The following PHF24 variants were observed in gnomAD, a reference collection of about 807,000 sequenced individuals.
PHF24 encodes PHD finger protein 24, also known as Galpha inhibitory interacting protein.
A neutral mutation model predicts 42.6 loss-of-function variants in PHF24; 25 were observed. The ratio of observed to expected loss-of-function variants is 0.59; its 90% CI spans 0.43 to 0.82. PHF24 has a LOEUF of 0.82. PHF24 is among the 40% of genes least tolerant of loss of function. The pLI, the probability that PHF24 is intolerant of heterozygous loss-of-function variation, is 0.00. For missense variants in PHF24, 470 were observed against 538.1 expected (o/e 0.87, Z 1.25); for synonymous variants, 185 against 204.8 (o/e 0.90, Z 0.83).
At chr9:34,886,248 C>T in the PHF24 span, among the ~76,000 whole-genome samples, 161 of 71,690 alleles carry the variant, frequency 2.2e-3, no homozygotes, top group Admixed American at 9.2e-3. Flanking sequence ...GACTAAATCT[C>T]CTGTCTTAAA....
chr9:34,675,215 G>T, the PHF24 span, among the ~76,000 whole-genome samples: 2 of 152,140 alleles, frequency 1.3e-5, no homozygotes, highest in Admixed American at 1.3e-4. Flanking sequence ...ATCCGCAAGG[G>T]CCTGCAGGGG....
exon 7 of PHF24, chr9:34,977,582 A>G (rs1827244087): frequency 6.2e-7 from 1 of 1,610,016 alleles, no homozygotes; most frequent in Non-Finnish European, 8.5e-7. Context: ...ATAGCAGCCC[A>G]GCCAGCAGCA....
chr9:34,763,427 A>G, the PHF24 span, among the ~76,000 whole-genome samples: 3 of 152,112 alleles, frequency 2.0e-5, no homozygotes, highest in South Asian at 6.2e-4. Context: ...CTTGTAAGTT[A>G]GATTCCTAGG....
At chr9:34,726,714 T>C in the PHF24 span, 1 of 1,551,606 alleles carries the variant, frequency 6.4e-7, no homozygotes, top group Non-Finnish European at 8.7e-7. Flanking sequence ...TTCTGATCTG[T>C]TAATTGTGAC....
At chr9:34,683,065 CTT>C in the PHF24 span, among the ~76,000 whole-genome samples, 247 of 144,414 alleles carry the variant, frequency 1.7e-3, no homozygotes, top group Middle Eastern at 3.5e-3. Flanking sequence ...TTCTTTCTCT[CTT>C]TTTTTTTTTT....
the PHF24 span, among the ~76,000 whole-genome samples, chr9:34,677,474 G>GT: frequency 7.3e-6 from 1 of 137,580 alleles, no homozygotes; most frequent in East Asian, 2.2e-4. Flanking sequence ...TTGGCTCACT[G>GT]TAAGCTCCGC....
chr9:34,889,987 A>C, the PHF24 span, among the ~76,000 whole-genome samples: 3 of 152,128 alleles, frequency 2.0e-5, no homozygotes, highest in African/African-American at 4.8e-5. Context: ...GTAATCCTGG[A>C]GGATGCTCTT....
the PHF24 span, among the ~76,000 whole-genome samples, chr9:34,751,439 T>C: frequency 1.3e-5 from 2 of 151,940 alleles, no homozygotes; most frequent in Non-Finnish European, 2.9e-5. Context: ...AGACAAAAAC[T>C]GTAAAAAGAG....
chr9:34,799,679 T>C, the PHF24 span, among the ~76,000 whole-genome samples: 1 of 152,196 alleles, frequency 6.6e-6, no homozygotes, highest in Non-Finnish European at 1.5e-5. Context: ...CACTATTCTT[T>C]GTGCAAGATT....
chr9:34,840,258 C>G, the PHF24 span, among the ~76,000 whole-genome samples: 1 of 152,118 alleles, frequency 6.6e-6, no homozygotes, highest in African/African-American at 2.4e-5. Context: ...TGTCTCTCAT[C>G]TCTCATTTTT....
chr9:34,875,930 A>ACTCTCT, the PHF24 span, among the ~76,000 whole-genome samples: 1 of 71,352 alleles, frequency 1.4e-5, no homozygotes, highest in African/African-American at 5.2e-5. Context: ...ACACACACAC[A>ACTCTCT]CACACACACA....
At chr9:34,828,294 C>T in the PHF24 span, among the ~76,000 whole-genome samples, 2 of 152,248 alleles carry the variant, frequency 1.3e-5, 1 homozygote, top group South Asian at 4.1e-4. Flanking sequence ...CCAAAGCCAG[C>T]CCCTTGACTT....
chr9:34,885,395 A>G, the PHF24 span, among the ~76,000 whole-genome samples: 2 of 152,194 alleles, frequency 1.3e-5, no homozygotes, highest in Non-Finnish European at 2.9e-5. Flanking sequence ...TGATGATGGG[A>G]TGATGGATAA....
the PHF24 span, among the ~76,000 whole-genome samples, chr9:34,926,212 C>T: frequency 6.6e-6 from 1 of 152,202 alleles, no homozygotes; most frequent in African/African-American, 2.4e-5. The surrounding 1 kb of genome is among the most constrained non-coding windows in gnomAD (Gnocchi z 4.3). Context: ...TGGGATCTGG[C>T]TCACTGGGGC....
the PHF24 span, among the ~76,000 whole-genome samples, chr9:34,903,801 C>T: frequency 6.6e-6 from 1 of 152,292 alleles, no homozygotes; most frequent in East Asian, 1.9e-4. Flanking sequence ...TGATTCTACC[C>T]ATCCATGAGA....
chr9:34,771,828 A>G, the PHF24 span, among the ~76,000 whole-genome samples: 1 of 152,162 alleles, frequency 6.6e-6, no homozygotes, highest in Non-Finnish European at 1.5e-5. Context: ...TTTAAAGAAA[A>G]CATTTTGTGG....
chr9:34,753,472 T>C, the PHF24 span, among the ~76,000 whole-genome samples: 1 of 151,698 alleles, frequency 6.6e-6, no homozygotes, highest in Non-Finnish European at 1.5e-5. Flanking sequence ...TTATGAAACA[T>C]TGATGAAAGA....
chr9:34,925,205 T>A, the PHF24 span, among the ~76,000 whole-genome samples: 2 of 152,238 alleles, frequency 1.3e-5, no homozygotes, highest in Admixed American at 1.3e-4. Context: ...ACCTGGCTTG[T>A]AAGGCTTCTG....
chr9:34,723,275 C>T, the PHF24 span: 3 of 1,551,740 alleles, frequency 1.9e-6, no homozygotes, highest in Non-Finnish European at 1.7e-6. Context: ...CTCTCGAGGA[C>T]AGTGACGAGG....
Sources: allele counts gnomAD v4.1 joint callset (sites outside exome capture counted in the v4.1 genomes callset), GRCh38; gene constraint gnomAD v4.1.1; non-coding constraint Gnocchi (gnomAD v3.1); transcripts MANE v1.5; gene names NCBI Gene and HGNC (gene_info 2026-07-23, HGNC 2026-07-21).